The following C17orf99 variants were observed in gnomAD, a reference collection of about 807,000 sequenced individuals.
C17orf99 encodes the protein chromosome 17 open reading frame 99.
In C17orf99, 18 loss-of-function variants were observed where a neutral mutation model predicts 22.6. That is an observed-to-expected ratio of 0.80 (90% confidence interval 0.55 to 1.18). The LOEUF (loss-of-function observed/expected upper bound fraction) is 1.18. Among genes scored for constraint, C17orf99 ranks in the 50% most tolerant of loss-of-function variants. C17orf99 has a pLI of 0.00. For synonymous variants in C17orf99, 147 were observed against 136.6 expected (o/e 1.08, Z -0.53); for missense variants, 328 against 342.7 (o/e 0.96, Z 0.34).
chr17:78,163,436 G>A (rs1439906330), intron 3 of C17orf99, among the ~76,000 whole-genome samples: 2 of 152,200 alleles, frequency 1.3e-5, no homozygotes, highest in South Asian at 4.1e-4. Flanking sequence ...TAAAAAAGAC[G>A]AGACTGAATG....
chr17:78,160,397 G>A (rs1461759403), intron 2 of C17orf99, among the ~76,000 whole-genome samples: 4 of 152,040 alleles, frequency 2.6e-5, no homozygotes, highest in Admixed American at 2.0e-4. Flanking sequence ...TTAGCCAGGC[G>A]TGGTGGCACG....
chr17:78,153,523 G>A (rs971579939), intron 2 of C17orf99, among the ~76,000 whole-genome samples: 1 of 152,024 alleles, frequency 6.6e-6, no homozygotes, highest in Non-Finnish European at 1.5e-5. Flanking sequence ...CTGGTACAGT[G>A]TACTTTCAAA....
intron 2 of C17orf99, among the ~76,000 whole-genome samples, chr17:78,149,366 C>A (rs1373845050): frequency 1.4e-5 from 2 of 147,134 alleles, no homozygotes. Context: ...AAAAAAGGCG[C>A]CAGTCCTTGG....
upstream of C17orf99, among the ~76,000 whole-genome samples, chr17:78,146,066 G>A (rs1243754548): frequency 6.6e-6 from 1 of 152,160 alleles, no homozygotes; most frequent in Non-Finnish European, 1.5e-5. This position sits in a 1 kb window ranked among gnomAD's most constrained non-coding sequence, Gnocchi z 5.2. Context: ...GGGATTACAG[G>A]TGTGAGCCAC....
intron 2 of C17orf99, chr17:78,159,923 T>A: frequency 2.7e-6 from 1 of 376,156 alleles, no homozygotes. Context: ...GGCTGAGTAA[T>A]ATTCCTTATA....
chr17:78,166,187 T>C lies in C17orf99; in HGVS notation c.*141T>C, dbSNP rs1259884835. On this transcript the variant is annotated 3_prime_UTR_variant, in exon 5 of 5. Transcript: ENST00000340363. ...AAAAAAAAAAAAAAAAGGGTAACTATGAGAGATGGTGGATATGTTAACTTG... is the reference window on the plus strand; with the variant it reads ...AAAAAAAAAAAAAAAAGGGTAACTACGAGAGATGGTGGATATGTTAACTTG... 2 of 396,278 alleles carry C rather than the reference T, an allele frequency of 5.0e-6. No homozygotes were observed. The highest frequency in any genetic ancestry group is 2.1e-5 in the African/African-American group (1 of 47,324). The allele number at this position is 396,278 out of a possible 1,614,324, so 24.5% of individuals were successfully genotyped here. A position where few individuals can be genotyped will look rare whatever the true frequency, so the allele number is the denominator to read the frequency against.
intron 2 of C17orf99, among the ~76,000 whole-genome samples, chr17:78,148,806 G>A (rs986226284): frequency 1.3e-5 from 2 of 152,178 alleles, no homozygotes; most frequent in African/African-American, 4.8e-5. Flanking sequence ...CGCAGCCATA[G>A]GAGGTTTGGA....
chr17:78,157,469 G>C (rs1270207202), intron 2 of C17orf99: 1 of 1,307,154 alleles, frequency 7.7e-7, no homozygotes, highest in African/African-American at 1.5e-5. Context: ...CAGGGCCTCA[G>C]CGACCTTCCC....
upstream of C17orf99, among the ~76,000 whole-genome samples, chr17:78,145,643 G>T (rs1457626434): frequency 6.6e-6 from 1 of 152,164 alleles, no homozygotes; most frequent in Non-Finnish European, 1.5e-5. Context: ...CAGGTCCCCA[G>T]CTGCTTGGAA....
chr17:78,159,499 C>T (rs776697717), intron 2 of C17orf99, among the ~76,000 whole-genome samples: 1 of 150,504 alleles, frequency 6.6e-6, no homozygotes, highest in Non-Finnish European at 1.5e-5. Flanking sequence ...ATTAGCCAGG[C>T]GTAGTGGTGG....
In C17orf99 at chr17:78,160,999, T is replaced by C; in HGVS notation, c.115T>C (p.Phe39Leu). ...CATTGCCTACAAAGTCCTGGAAGTT[T>C]TCCCCAAAGGCCGCTGGGTGCTCAT... Reference protein sequence around the residue: ...VSIAYKVLEVFPKGRWVLITC... With the variant: ...VSIAYKVLEVLPKGRWVLITC... The change falls in exon 3 of 5, where the codon TTC becomes CTC. Residue 39 changes from phenylalanine (F) to leucine (L), a missense_variant. Phe to Leu is a conservative substitution (Grantham distance 22, BLOSUM62 0). Coordinates refer to ENST00000340363, the MANE Select transcript of C17orf99 (RefSeq NM_001163075.2). 1 of 1,551,634 alleles carries C rather than the reference T, an allele frequency of 6.4e-7. No individual in the cohort carries two copies. Among genetic ancestry groups the C allele is most frequent in the Non-Finnish European group, 8.7e-7 (1 of 1,146,978 alleles).
chr17:78,161,637 A>G (rs2075577493), intron 3 of C17orf99, among the ~76,000 whole-genome samples: 1 of 152,106 alleles, frequency 6.6e-6, no homozygotes. Context: ...TGAGCCCAGG[A>G]GTTCGATACC....
intron 2 of C17orf99, among the ~76,000 whole-genome samples, chr17:78,148,620 G>T (rs2075453766): frequency 6.6e-6 from 1 of 152,166 alleles, no homozygotes. Context: ...GGCAGCATTT[G>T]CAGGGGAGGG....
In C17orf99 at chr17:78,164,378, T is replaced by G; in HGVS notation, c.640+14T>G. 1 of 1,551,208 alleles carries G rather than the reference T, an allele frequency of 6.4e-7. No homozygotes were observed. Among genetic ancestry groups the G allele is most frequent in the Non-Finnish European group, 8.7e-7 (1 of 1,146,984 alleles). ...TGGTGCCCCCAGGTGAGAGGGCCCT[T>G]GGATTTCCAGAGGGGCAGCTGGCGC... On this transcript the variant is annotated intron_variant, in intron 4 of 4. Coordinates refer to ENST00000340363, the MANE Select transcript of C17orf99 (RefSeq NM_001163075.2).
chr17:78,163,128 C>T (rs1006490525), intron 3 of C17orf99, among the ~76,000 whole-genome samples: 6 of 152,240 alleles, frequency 3.9e-5, no homozygotes, highest in African/African-American at 1.4e-4. Flanking sequence ...GTGGTGCATG[C>T]CTGTCGTCCC....
At chr17:78,146,338 C>A, upstream of C17orf99, 1 of 1,462,676 alleles carries the variant, frequency 6.8e-7, no homozygotes, top group East Asian at 2.5e-5. This position sits in a 1 kb window ranked among gnomAD's most constrained non-coding sequence, Gnocchi z 5.2. Context: ...TCCCAGGGGC[C>A]TCAGGGTGGG....
At chr17:78,163,924 G>A (rs541037879) in intron 3 of C17orf99, among the ~76,000 whole-genome samples, 171 bp from the exon 4 acceptor site, 1 of 152,372 alleles carries the variant, frequency 6.6e-6, no homozygotes, top group South Asian at 2.1e-4. Context: ...CACACGGCAG[G>A]TAGGGCAGCA....
Position 78,163,798 on chromosome 17 carries a change from G to A in C17orf99, c.371-297G>A, listed in dbSNP as rs113660720. Among the ~76,000 whole-genome samples the A allele has an allele frequency of 1.0e-2, 1,521 of 152,298 alleles. 12 individuals are homozygous for A. The highest frequency in any genetic ancestry group is 0.015 in the Non-Finnish European group (1,029 of 68,020). ...GGAGAATTGCTCGAGCTGGGGAGGCGGAGGTTGCAGTGAGCCTAGATCGCG... is the reference window on the plus strand; with the variant it reads ...GGAGAATTGCTCGAGCTGGGGAGGCAGAGGTTGCAGTGAGCCTAGATCGCG... On this transcript the variant is annotated intron_variant, in intron 3 of 4. Coordinates refer to ENST00000340363, the MANE Select transcript of C17orf99 (RefSeq NM_001163075.2).
chr17:78,165,618 C>A (rs1022585284), intron 4 of C17orf99: 5 of 926,504 alleles, frequency 5.4e-6, no homozygotes, highest in African/African-American at 1.8e-5. Flanking sequence ...GCCTGGCCAA[C>A]ATGAAGAAAC....
Sources: gnomAD v4.1 joint callset for allele counts (sites outside exome capture counted in the v4.1 genomes callset) on GRCh38, gnomAD v4.1.1 for gene constraint, Gnocchi (gnomAD v3.1) non-coding constraint, MANE v1.5 for transcripts, NCBI Gene and HGNC (gene_info 2026-07-23, HGNC 2026-07-21) for gene names.